Variants in FGGY observed in about 807,000 individuals in gnomAD.
The protein encoded by FGGY is FGGY carbohydrate kinase domain-containing protein.
In FGGY, 72 loss-of-function variants were observed where a neutral mutation model predicts 71.3. That is an observed-to-expected ratio of 1.01 (90% CI 0.84 to 1.23). FGGY has a LOEUF of 1.23. Ranked by LOEUF, FGGY falls within the 50% of genes most tolerant of loss-of-function variation. The pLI is 0.00. For synonymous variants in FGGY, 251 were observed against 250.3 expected, an observed-to-expected ratio of 1.00 and a Z score of -0.02; for missense variants, 668 against 682.3, an observed-to-expected ratio of 0.98 and a Z score of 0.23.
At chr1:59,596,973 C>T (rs1281909578) in intron 8 of FGGY, among the ~76,000 whole-genome samples, 1 of 152,184 alleles carries the variant, frequency 6.6e-6, no homozygotes, top group Non-Finnish European at 1.5e-5. Context: ...AATTCCTTCA[C>T]CCTCATCACT....
At chr1:59,363,912 C>T (rs550890848) in intron 4 of FGGY, among the ~76,000 whole-genome samples, 48 of 152,256 alleles carry the variant, frequency 3.2e-4, no homozygotes, top group Middle Eastern at 3.4e-3. Flanking sequence ...TGAGTTGTGG[C>T]CTTTGTCCAT....
At chr1:59,460,281 G>A (rs918763031) in intron 6 of FGGY, among the ~76,000 whole-genome samples, 3 of 152,148 alleles carry the variant, frequency 2.0e-5, no homozygotes, top group South Asian at 2.1e-4. Flanking sequence ...CCATGCCCAG[G>A]GAGCCTTGCT....
intron 6 of FGGY, among the ~76,000 whole-genome samples, chr1:59,507,123 A>G (rs917212133): frequency 6.6e-6 from 1 of 152,242 alleles, no homozygotes; most frequent in Non-Finnish European, 1.5e-5. Context: ...AATTACGGAC[A>G]GAAAAAGGGA....
chr1:59,694,077 G>A (rs558740919), intron 14 of FGGY, among the ~76,000 whole-genome samples: 12 of 151,652 alleles, frequency 7.9e-5, no homozygotes, highest in East Asian at 5.8e-4. Flanking sequence ...TGAGGAGGGC[G>A]GATTACAAGG....
chr1:59,653,296 G>T (rs6671322), intron 11 of FGGY, among the ~76,000 whole-genome samples: 3 of 152,142 alleles, frequency 2.0e-5, no homozygotes, highest in African/African-American at 7.2e-5. Flanking sequence ...TCGAGCTTTT[G>T]GGCTGCTTTG....
At chr1:59,463,068 T>A (rs574026689) in intron 6 of FGGY, among the ~76,000 whole-genome samples, 16 of 152,222 alleles carry the variant, frequency 1.1e-4, no homozygotes, top group Middle Eastern at 3.4e-3. Flanking sequence ...CAAATGTCCA[T>A]CAATGACAGA....
rs1415142508 is a variant in FGGY, at chr1:59,530,593, A to G, written c.799+18154A>G. On this transcript the variant is annotated intron_variant, in intron 7 of 15. Transcript: ENST00000303721. Reference sequence around the variant, plus strand: ...AAAATTCCCTCCCCTTCCCCCAAAAATGATTGGTTTGACACTTAAAGATGA... The same window carrying G: ...AAAATTCCCTCCCCTTCCCCCAAAAGTGATTGGTTTGACACTTAAAGATGA... Among the ~76,000 whole-genome samples, 6 of 152,134 alleles carry G rather than the reference A, an allele frequency of 3.9e-5. No homozygotes were observed. In the East Asian group the frequency reaches 1.2e-3, roughly 29 times the overall value.
intron 14 of FGGY, among the ~76,000 whole-genome samples, chr1:59,700,265 G>A (rs2097698838): frequency 6.6e-6 from 1 of 152,316 alleles, no homozygotes; most frequent in South Asian, 2.1e-4. Flanking sequence ...TCTTATAGAT[G>A]AGTATTATCT....
intron 14 of FGGY, among the ~76,000 whole-genome samples, chr1:59,702,753 A>G (rs901099118): frequency 6.0e-4 from 91 of 152,254 alleles, no homozygotes; most frequent in African/African-American, 1.6e-3. Flanking sequence ...TTTAGTCTCT[A>G]TCAGCTCTAG....
intron 8 of FGGY, among the ~76,000 whole-genome samples, chr1:59,593,259 G>T (rs2096478939): frequency 6.6e-6 from 1 of 152,244 alleles, no homozygotes; most frequent in Non-Finnish European, 1.5e-5. Flanking sequence ...AGGGTCCTCA[G>T]TGTGTTTGTG....
At chr1:59,422,550 C>T (rs1015007432) in intron 5 of FGGY, among the ~76,000 whole-genome samples, 1 of 151,892 alleles carries the variant, frequency 6.6e-6, no homozygotes. Flanking sequence ...GGAAAATTAG[C>T]CAGGTGAGGT....
At chr1:59,359,434 C>G (rs983933882) in intron 4 of FGGY, among the ~76,000 whole-genome samples, 1 of 152,164 alleles carries the variant, frequency 6.6e-6, no homozygotes, top group African/African-American at 2.4e-5. Flanking sequence ...AACTCTGACC[C>G]AGGGCCTCTT....
chr1:59,748,296 C>T (rs1345929056), intron 14 of FGGY, among the ~76,000 whole-genome samples: 2 of 151,836 alleles, frequency 1.3e-5, no homozygotes, highest in African/African-American at 4.8e-5. Flanking sequence ...TGATGATGTG[C>T]TATCAAGGGT....
chr1:59,402,167 A>G (rs1341374849), intron 5 of FGGY, among the ~76,000 whole-genome samples: 1 of 152,216 alleles, frequency 6.6e-6, no homozygotes, highest in African/African-American at 2.4e-5. Flanking sequence ...GGACAAAAGC[A>G]TGAACATGAA....
intron 7 of FGGY, among the ~76,000 whole-genome samples, chr1:59,552,105 G>T (rs2095617067): frequency 6.6e-6 from 1 of 152,180 alleles, no homozygotes; most frequent in Non-Finnish European, 1.5e-5. Context: ...GAGGGAGGAG[G>T]GAGGTGGTGT....
intron 7 of FGGY, among the ~76,000 whole-genome samples, chr1:59,531,287 A>G (rs145029293): frequency 1.5e-4 from 23 of 152,304 alleles, no homozygotes; most frequent in African/African-American, 5.1e-4. Context: ...ATCCACTTTT[A>G]TATGCCAAAA....
At chr1:59,334,023 A>T (rs76532607) in intron 2 of FGGY, among the ~76,000 whole-genome samples, 2,937 of 152,300 alleles carry the variant, frequency 0.019, 105 homozygotes, top group African/African-American at 0.068. Context: ...ATGGAAAGAA[A>T]ATAGACACTG....
At chr1:59,310,550 C>T (rs1429670243) in intron 1 of FGGY, among the ~76,000 whole-genome samples, 3 of 152,174 alleles carry the variant, frequency 2.0e-5, no homozygotes, top group Non-Finnish European at 4.4e-5. Flanking sequence ...AATGACTCCC[C>T]CTGTCCCCCG....
chr1:59,318,419 C>T (rs2045832341), intron 1 of FGGY, among the ~76,000 whole-genome samples: 1 of 152,216 alleles, frequency 6.6e-6, no homozygotes, highest in Non-Finnish European at 1.5e-5. Context: ...TAACTGTAAT[C>T]ATACCGCTCC....
Sources: gnomAD v4.1 joint callset for allele counts (sites outside exome capture counted in the v4.1 genomes callset) on GRCh38, gnomAD v4.1.1 for gene constraint, MANE v1.5 for transcripts, NCBI Gene and HGNC (gene_info 2026-07-23, HGNC 2026-07-21) for gene names.